The following SGIP1 variants were observed in gnomAD, a reference collection of about 807,000 sequenced individuals.
The protein encoded by SGIP1 is SH3GL interacting endocytic adaptor 1, also known as SH3-containing GRB2-like protein 3-interacting protein 1.
In SGIP1, 38 loss-of-function variants were observed where a neutral mutation model predicts 107.5. The observed-to-expected ratio is 0.35, with a 90% CI of 0.27 to 0.46. The LOEUF is 0.46. SGIP1 is among the 20% of genes least tolerant of loss of function. The probability of loss-of-function intolerance (pLI) is 1.00; values close to 1 mark genes in which losing one functional copy is unlikely to be tolerated. For missense variants in SGIP1, 929 were observed against 1,019.5 expected (o/e 0.91, Z 1.21); for synonymous variants, 365 against 366.1 (o/e 1.00, Z 0.03).
chr1:66,741,861 G>A (rs778912729), intron 24 of SGIP1, among the ~76,000 whole-genome samples: 2 of 151,504 alleles, frequency 1.3e-5, no homozygotes, highest in African/African-American at 4.9e-5. Context: ...TCTGCCTCCC[G>A]GGTTCACGCC....
Position 66,631,681 on chromosome 1 carries a change from TTCTCTCTCTCTCTCTCTCTCTCTCTCTC to T in SGIP1, c.75-1369_75-1342del, listed in dbSNP as rs71058468. ...TCTCTCTCTCTTTCTCTCTCTCTCT[TTCTCTCTCTCTCTCTCTCTCTCTCTCTC>T]TCTCTCTCTCTCTCTCTCTTCTCAC... On this transcript the variant is annotated intron_variant, in intron 2 of 24. Transcript: ENST00000371037. 1.2e-3 allele frequency among the ~76,000 whole-genome samples: 161 copies of T among 132,272 alleles called. 4 individuals are homozygous for T. The East Asian group carries it at 0.028, about 23-fold the overall frequency. 86.8% of individuals were successfully genotyped at this position (132,272 alleles called of 152,430 possible). A position where few individuals can be genotyped will look rare whatever the true frequency, so the allele number is the denominator to read the frequency against.
At chr1:66,631,220 C>T (rs1182529399) in intron 2 of SGIP1, among the ~76,000 whole-genome samples, 1 of 152,078 alleles carries the variant, frequency 6.6e-6, no homozygotes, top group African/African-American at 2.4e-5. Flanking sequence ...CCATGATAAC[C>T]CACTGGATTT....
At chr1:66,559,089 T>A (rs948523930) in intron 1 of SGIP1, among the ~76,000 whole-genome samples, 13 of 152,100 alleles carry the variant, frequency 8.5e-5, no homozygotes, top group African/African-American at 3.1e-4. Flanking sequence ...GGCCCCTTTC[T>A]CCTGCTTCCC....
chr1:66,633,682 G>A (rs1228224642), intron 3 of SGIP1, among the ~76,000 whole-genome samples: 2 of 152,092 alleles, frequency 1.3e-5, no homozygotes, highest in African/African-American at 4.8e-5. Flanking sequence ...AAAGAAGTCC[G>A]TGGTGCATGG....
intron 17 of SGIP1, among the ~76,000 whole-genome samples, chr1:66,693,347 G>A (rs955388679): frequency 2.6e-5 from 4 of 151,884 alleles, no homozygotes; most frequent in African/African-American, 7.3e-5. Flanking sequence ...TGATTTGGGG[G>A]AAAATCCTAT....
At chr1:66,562,143 C>A (rs1476533937) in intron 1 of SGIP1, among the ~76,000 whole-genome samples, 1 of 151,870 alleles carries the variant, frequency 6.6e-6, no homozygotes, top group Non-Finnish European at 1.5e-5. Flanking sequence ...TTAGTGAGCA[C>A]CTCCTATGTG....
intron 18 of SGIP1, among the ~76,000 whole-genome samples, chr1:66,712,639 A>G (rs913612359): frequency 2.1e-4 from 32 of 151,760 alleles, no homozygotes; most frequent in Non-Finnish European, 3.8e-4. Context: ...AAACACTTAC[A>G]TATACAGTCT....
chr1:66,638,173 C>T (rs186188266), intron 4 of SGIP1, among the ~76,000 whole-genome samples: 126 of 152,076 alleles, frequency 8.3e-4, no homozygotes, highest in African/African-American at 2.5e-3. Flanking sequence ...GCAAAGAAGT[C>T]ATATACAAAC....
At position 66,744,372 on chromosome 1, in the gene SGIP1, A is replaced by G. The variant is rs1253282843; in HGVS notation, c.*1277A>G. ...GTATAATAAAAACTGTAATTATTCA[A>G]TCTGGCCCTGCCATATGAACATTTA... On this transcript the variant is annotated 3_prime_UTR_variant, in exon 25 of 25. Coordinates refer to ENST00000371037, the MANE Select transcript of SGIP1 (RefSeq NM_032291.4). 5 of 152,140 alleles carry G rather than the reference A, an allele frequency of 3.3e-5. No homozygotes were observed. The highest frequency in any genetic ancestry group is 2.1e-4 in the South Asian group (1 of 4,832). 9.4% of individuals were successfully genotyped at this position (152,140 alleles called of 1,614,324 possible).
chr1:66,651,825 T>G (rs1330940165), intron 7 of SGIP1, among the ~76,000 whole-genome samples: 1 of 152,230 alleles, frequency 6.6e-6, no homozygotes, highest in East Asian at 1.9e-4. Flanking sequence ...GCAGATTGTT[T>G]GCACTTTTGT....
chr1:66,732,730 TTC>T (rs760860195), intron 20 of SGIP1, among the ~76,000 whole-genome samples: 52 of 142,810 alleles, frequency 3.6e-4, no homozygotes, highest in Non-Finnish European at 6.6e-4. Flanking sequence ...ACCCCTAATT[TTC>T]TCTCTTTTTT....
At chr1:66,657,861 C>T (rs570452164) in intron 7 of SGIP1, among the ~76,000 whole-genome samples, 18 of 152,234 alleles carry the variant, frequency 1.2e-4, no homozygotes, top group Non-Finnish European at 1.5e-5. Flanking sequence ...TTTATCTTTT[C>T]CATAATTAAA....
At chr1:66,715,459 A>G (rs1215109537) in intron 18 of SGIP1, among the ~76,000 whole-genome samples, 3 of 150,344 alleles carry the variant, frequency 2.0e-5, no homozygotes, top group African/African-American at 7.4e-5. Context: ...TAGCTAGAGG[A>G]TATGTTGTTG....
chr1:66,713,405 G>C (rs17129375), intron 18 of SGIP1, among the ~76,000 whole-genome samples: 1,953 of 152,106 alleles, frequency 0.013, 44 homozygotes, highest in African/African-American at 0.045. Context: ...GTTACTTTGG[G>C]CTAGAGATAA....
At chr1:66,657,801 T>C (rs1393584967) in intron 7 of SGIP1, among the ~76,000 whole-genome samples, 1 of 152,248 alleles carries the variant, frequency 6.6e-6, no homozygotes, top group Non-Finnish European at 1.5e-5. Flanking sequence ...TCACTTACTC[T>C]ATTTCTATTT....
In SGIP1 at chr1:66,599,529, G is replaced by A. The variant is rs534499355; in HGVS notation, c.11-26318G>A. On this transcript the variant is annotated intron_variant, in intron 1 of 24. Coordinates refer to ENST00000371037, the MANE Select transcript of SGIP1 (RefSeq NM_032291.4). ...CTCCCAGGAGAATCCCTTTTACAAA[G>A]CTGTACTCTCTCTCCAAATCCTCCC... Among the ~76,000 whole-genome samples, 6 of 152,286 alleles carry A rather than the reference G, an allele frequency of 3.9e-5. No homozygotes were observed. In the South Asian group the frequency reaches 1.2e-3, roughly 32 times the overall value.
intron 18 of SGIP1, among the ~76,000 whole-genome samples, chr1:66,695,790 G>T (rs1406340325): frequency 6.6e-6 from 1 of 151,800 alleles, no homozygotes; most frequent in Non-Finnish European, 1.5e-5. Flanking sequence ...ACCTTTTTTG[G>T]CCAAGGAACT....
intron 13 of SGIP1, 75 bp downstream of exon 13, chr1:66,677,171 A>AG: frequency 8.7e-7 from 1 of 1,151,548 alleles, no homozygotes; most frequent in Non-Finnish European, 1.3e-6. Flanking sequence ...GAAATTAGGC[A>AG]ACTCTTAAAA....
chr1:66,606,470 G>A (rs573732696), intron 1 of SGIP1, among the ~76,000 whole-genome samples: 65 of 152,212 alleles, frequency 4.3e-4, no homozygotes, highest in African/African-American at 1.3e-3. Context: ...GCAAAAGCAC[G>A]GTGGCTGTGT....
Sources: gnomAD v4.1 joint callset for allele counts (sites outside exome capture counted in the v4.1 genomes callset) on GRCh38, gnomAD v4.1.1 for gene constraint, MANE v1.5 for transcripts, NCBI Gene and HGNC (gene_info 2026-07-23, HGNC 2026-07-21) for gene names.